The following CPED1 variants were observed in gnomAD, a reference collection of about 807,000 sequenced individuals.
CPED1 encodes cadherin-like and PC-esterase domain-containing protein 1.
Under a neutral mutation model 128.2 loss-of-function variants are expected in CPED1, and 114 were observed. The ratio of observed to expected loss-of-function variants is 0.89; its 90% CI spans 0.76 to 1.04. CPED1 has a LOEUF of 1.04. Ranked by LOEUF, CPED1 falls within the 50% of genes least tolerant of loss-of-function variation. CPED1 has a pLI of 0.00. For synonymous variants in CPED1, 462 were observed against 426.7 expected (o/e 1.08, Z -1.02); for missense variants, 1,211 against 1,207.1 (o/e 1.00, Z -0.05).
intron 3 of CPED1, among the ~76,000 whole-genome samples, chr7:121,019,073 T>A (rs1237604488): frequency 1.3e-5 from 2 of 151,998 alleles, no homozygotes; most frequent in African/African-American, 4.8e-5. Flanking sequence ...TTGAGTTTTG[T>A]ATTTGATTTA....
At chr7:121,063,556 A>T (rs563509517) in intron 4 of CPED1, among the ~76,000 whole-genome samples, 168 of 152,194 alleles carry the variant, frequency 1.1e-3, no homozygotes, top group African/African-American at 3.9e-3. Flanking sequence ...GTTAATTTGA[A>T]AGTAATCAAT....
chr7:121,227,647 A>G (rs1487424236), intron 16 of CPED1, among the ~76,000 whole-genome samples: 4 of 152,108 alleles, frequency 2.6e-5, no homozygotes, highest in Non-Finnish European at 4.4e-5. Context: ...CTAAAGTGAG[A>G]TGAACCTCCA....
intron 3 of CPED1, among the ~76,000 whole-genome samples, chr7:121,036,243 A>G (rs544717303): frequency 2.0e-5 from 3 of 152,050 alleles, no homozygotes; most frequent in Non-Finnish European, 4.4e-5. Context: ...TGTATACTGT[A>G]CCCAATGCGT....
chr7:121,128,775 TGAA>T (rs1441678990), intron 11 of CPED1, among the ~76,000 whole-genome samples: 3 of 152,298 alleles, frequency 2.0e-5, no homozygotes, highest in Admixed American at 6.5e-5. Flanking sequence ...AACATTTTTC[TGAA>T]GAAGTTTTAC....
intron 4 of CPED1, 62 bp downstream of exon 4, chr7:121,047,055 C>A: frequency 9.8e-7 from 1 of 1,023,906 alleles, no homozygotes; most frequent in Non-Finnish European, 1.5e-6. Context: ...ACTGGCATTT[C>A]CTGGTCTATA....
intron 19 of CPED1, 62 bp downstream of exon 19, chr7:121,266,509 C>T (rs1454802313): frequency 1.1e-5 from 15 of 1,360,666 alleles, no homozygotes; most frequent in Admixed American, 8.4e-5. Flanking sequence ...TGCTAGCAGT[C>T]GTCACTGCTC....
intron 16 of CPED1, among the ~76,000 whole-genome samples, chr7:121,167,073 C>T (rs1796543890): frequency 1.3e-5 from 2 of 152,210 alleles, no homozygotes; most frequent in Admixed American, 6.5e-5. Context: ...AAAACAGCTA[C>T]ACTCTGAGAC....
chr7:121,148,296 T>C (rs1471351950), intron 16 of CPED1, among the ~76,000 whole-genome samples: 4 of 152,170 alleles, frequency 2.6e-5, no homozygotes, highest in Admixed American at 1.3e-4. Context: ...GGAATACAAA[T>C]AGCAGCAAAG....
intron 3 of CPED1, among the ~76,000 whole-genome samples, chr7:121,017,377 T>C (rs571927395): frequency 2.6e-5 from 4 of 152,328 alleles, no homozygotes; most frequent in African/African-American, 9.6e-5. Flanking sequence ...AAGACCAATC[T>C]AGAGTCCTGG....
intron 5 of CPED1, among the ~76,000 whole-genome samples, chr7:121,091,175 G>GA (rs60707894): frequency 0.39 from 57,919 of 149,380 alleles, 12,414 homozygotes; most frequent in East Asian, 0.83. Context: ...TGCAGTAACT[G>GA]AAAAAAAAAA....
intron 5 of CPED1, among the ~76,000 whole-genome samples, chr7:121,089,050 C>T (rs79932347): frequency 0.012 from 1,828 of 152,240 alleles, 44 homozygotes; most frequent in African/African-American, 0.041. Context: ...GAGGAGTGAA[C>T]TCTTGTGTTA....
At chr7:121,062,237 A>G (rs1793691577) in intron 4 of CPED1, among the ~76,000 whole-genome samples, 1 of 152,204 alleles carries the variant, frequency 6.6e-6, no homozygotes, top group Non-Finnish European at 1.5e-5. Context: ...ATTGTTAAGG[A>G]TTCTATTAAT....
rs1341705754 is a variant in CPED1, at chr7:121,267,316, C to T, written c.2721+14C>T. ...TTCTTAACACAGGTAAGCACATTTC[C>T]TCTGGGCTAGGTGAATTTCATGATT... On this transcript the variant is annotated intron_variant, in intron 21 of 22. Transcript: ENST00000310396. 1 of 1,482,844 alleles carries T rather than the reference C, an allele frequency of 6.7e-7. No homozygotes were observed. Among genetic ancestry groups the T allele is most frequent in the African/African-American group, 1.4e-5 (1 of 71,558 alleles). The allele number at this position is 1,482,844 out of a possible 1,614,324, so 91.9% of individuals were successfully genotyped here. A position where few individuals can be genotyped will look rare whatever the true frequency, so the allele number is the denominator to read the frequency against.
rs143044610 is a variant in CPED1, at chr7:121,124,401, C to T, written c.989C>T (p.Ala330Val). The change falls in exon 8 of 23, where the codon GCA becomes GTA. Residue 330 changes from alanine (A) to valine (V), a missense_variant. Coordinates refer to ENST00000310396, the MANE Select transcript of CPED1 (RefSeq NM_024913.5). ...CAGGCTTTTGACATTATGAAGGAAGCAATTGGCAAACTACTGCTAGCGGCT... is the reference window on the plus strand; with the variant it reads ...CAGGCTTTTGACATTATGAAGGAAGTAATTGGCAAACTACTGCTAGCGGCT... ...PQQAFDIMKE[A>V]IGKLLLAAEV... The T allele has an allele frequency of 1.1e-5, 18 of 1,607,386 alleles. No individual in the cohort carries two copies. The highest frequency in any genetic ancestry group is 1.7e-5 in the Admixed American group (1 of 59,592).
chr7:121,234,046 T>C lies in CPED1; in HGVS notation c.2056-2668T>C, dbSNP rs115743426. On this transcript the variant is annotated intron_variant, in intron 16 of 22. Transcript: ENST00000310396. Reference sequence around the variant, plus strand: ...AACTTTTCTAGAACTCCCTAGCTGGTGTTCACTTACATTTCTTTGACTAGA... The same window carrying C: ...AACTTTTCTAGAACTCCCTAGCTGGCGTTCACTTACATTTCTTTGACTAGA... 2.4e-3 allele frequency among the ~76,000 whole-genome samples: 367 copies of C among 152,252 alleles called. 3 individuals are homozygous for C. The highest frequency in any genetic ancestry group is 8.4e-3 in the African/African-American group (348 of 41,568).
intron 16 of CPED1, among the ~76,000 whole-genome samples, chr7:121,219,433 A>G (rs1256881495): frequency 6.6e-6 from 1 of 152,070 alleles, no homozygotes; most frequent in Admixed American, 6.6e-5. Flanking sequence ...TGAAAAAGAA[A>G]AAAACTTTAT....
At chr7:121,222,267 G>T (rs1797896313) in intron 16 of CPED1, among the ~76,000 whole-genome samples, 1 of 152,118 alleles carries the variant, frequency 6.6e-6, no homozygotes, top group South Asian at 2.1e-4. Flanking sequence ...GATGGTTGTA[G>T]ATGTGTGGTG....
intron 7 of CPED1, among the ~76,000 whole-genome samples, chr7:121,105,930 A>G (rs1050477193): frequency 6.6e-6 from 1 of 152,274 alleles, no homozygotes; most frequent in African/African-American, 2.4e-5. Flanking sequence ...AAAGAAAACT[A>G]TTCATTAATG....
At chr7:121,017,142 A>G (rs1792324642) in intron 3 of CPED1, among the ~76,000 whole-genome samples, 1 of 152,222 alleles carries the variant, frequency 6.6e-6, no homozygotes. Flanking sequence ...GATGAGAAGA[A>G]AGAAGGTCTT....
Sources: allele counts gnomAD v4.1 joint callset (sites outside exome capture counted in the v4.1 genomes callset), GRCh38; gene constraint gnomAD v4.1.1; transcripts MANE v1.5; gene names NCBI Gene and HGNC (gene_info 2026-07-23, HGNC 2026-07-21).